The following SPARCL1 variants were observed in gnomAD, a reference collection of about 807,000 sequenced individuals.
SPARCL1 encodes SPARC like 1, also known as SPARC-like protein 1.
Under a neutral mutation model 67.1 loss-of-function variants are expected in SPARCL1, and 52 were observed. The ratio of observed to expected loss-of-function variants is 0.78; its 90% CI spans 0.62 to 0.98. The LOEUF (loss-of-function observed/expected upper bound fraction) is 0.98. Among genes scored for constraint, SPARCL1 ranks in the 50% least tolerant of loss-of-function variants. The pLI, the probability that SPARCL1 is intolerant of heterozygous loss-of-function variation, is 0.00. For synonymous variants in SPARCL1, 226 were observed against 267.8 expected, an observed-to-expected ratio of 0.84 and a Z score of 1.52; for missense variants, 717 against 782.4, an observed-to-expected ratio of 0.92 and a Z score of 1.00.
intron 1 of SPARCL1, among the ~76,000 whole-genome samples, chr4:87,509,044 T>C (rs573314414): frequency 8.1e-5 from 12 of 148,378 alleles, no homozygotes; most frequent in Non-Finnish European, 1.3e-4. Context: ...ATGTATTATA[T>C]ACACGTATCT....
chr4:87,503,921 C>T (rs960998437), intron 1 of SPARCL1, among the ~76,000 whole-genome samples: 3 of 151,894 alleles, frequency 2.0e-5, no homozygotes, highest in Non-Finnish European at 4.4e-5. Context: ...CTCAACTGGT[C>T]CACCTGCCTC....
chr4:87,479,451 G>C lies in SPARCL1; in HGVS notation c.1945C>G (p.His649Asp). The C allele has an allele frequency of 6.2e-7, 1 of 1,613,588 alleles. No homozygotes were observed. Among genetic ancestry groups the C allele is most frequent in the East Asian group, 2.2e-5 (1 of 44,876 alleles). Residue 649 changes from histidine to aspartate, a missense_variant, in exon 10 of 11, where the codon CAC becomes GAC. By Grantham distance (81) the His-to-Asp change is moderately conservative (BLOSUM62 -1). Coordinates refer to ENST00000282470, the MANE Select transcript of SPARCL1 (RefSeq NM_004684.6). ...TTACCTTCTTTAATTCCAAAGCAGT[G>C]GCCCCACTCCTTCAGGGTGATGTGC... ...DKHITLKEWG[H>D]CFGIKEEDID...
intron 6 of SPARCL1, 116 bp from the exon 7 acceptor site, chr4:87,490,509 G>T: frequency 8.3e-7 from 1 of 1,209,358 alleles, no homozygotes; most frequent in Non-Finnish European, 1.1e-6. Flanking sequence ...TGGTCAGGTA[G>T]GTGAGACTAT....
At chr4:87,474,888 G>A (rs1052610161) in intron 10 of SPARCL1, among the ~76,000 whole-genome samples, 6 of 151,796 alleles carry the variant, frequency 4.0e-5, no homozygotes, top group South Asian at 4.2e-4. Flanking sequence ...GACTACAGGC[G>A]CCCGCCACCA....
rs71667858 is a variant in SPARCL1 at position 87,511,967 on chromosome 4, C to CTCTTTTTTTTTT, written c.-11-12383_-11-12382insAAAAAAAAAAGA. 4.1e-4 allele frequency among the ~76,000 whole-genome samples: 50 copies of CTCTTTTTTTTTT among 121,558 alleles called. 3 individuals are homozygous for CTCTTTTTTTTTT. Among genetic ancestry groups the CTCTTTTTTTTTT allele is most frequent in the African/African-American group, 1.5e-3 (47 of 31,394 alleles). 79.7% of individuals were successfully genotyped at this position (121,558 alleles called of 152,430 possible). A position where few individuals can be genotyped will look rare whatever the true frequency, so the allele number is the denominator to read the frequency against. Reference sequence around the variant, plus strand: ...TTCCTTTCCTTTCCTCTTTCTTTCTCTTTTTTTTTTTTTTTGAGACAGAGT... The same window carrying CTCTTTTTTTTTT: ...TTCCTTTCCTTTCCTCTTTCTTTCTCTCTTTTTTTTTTTTTTTTTTTTTTTTTGAGACAGAGT... On this transcript the variant is annotated intron_variant, in intron 1 of 10. Coordinates refer to ENST00000282470, the MANE Select transcript of SPARCL1 (RefSeq NM_004684.6).
intron 7 of SPARCL1, among the ~76,000 whole-genome samples, chr4:87,486,795 A>G (rs572998565): frequency 7.0e-6 from 1 of 142,206 alleles, no homozygotes; most frequent in African/African-American, 2.6e-5. Flanking sequence ...TGTTGCATTT[A>G]TCTCTTTACC....
In SPARCL1 at chr4:87,493,687, G is replaced by C; in HGVS notation, c.1113C>G (p.Ala371=). Residue 371 remains alanine, a synonymous_variant, in exon 4 of 11, where the codon GCC becomes GCG. Coordinates refer to ENST00000282470, the MANE Select transcript of SPARCL1 (RefSeq NM_004684.6). ...YFIPSQAFLE[A]ERAQSIAYHL... is the part of the protein sequence containing the mutation. Reference sequence around the variant, plus strand: ...GATAGGCAATGGATTGAGCTCTCTCGGCCTCCAGAAAGGCCTGGCTTGGGA... The same window carrying C: ...GATAGGCAATGGATTGAGCTCTCTCCGCCTCCAGAAAGGCCTGGCTTGGGA... 6.2e-7 allele frequency: 1 copy of C among 1,613,898 alleles called. No individual in the cohort carries two copies. Among genetic ancestry groups the C allele is most frequent in the Non-Finnish European group, 8.5e-7 (1 of 1,179,978 alleles).
intron 1 of SPARCL1, among the ~76,000 whole-genome samples, chr4:87,510,146 A>T (rs1197296210): frequency 6.6e-6 from 1 of 152,180 alleles, no homozygotes. Flanking sequence ...TTATTTTACT[A>T]TTATCTACTC....
At chr4:87,476,267 C>G (rs1723579048) in intron 10 of SPARCL1, among the ~76,000 whole-genome samples, 1 of 152,204 alleles carries the variant, frequency 6.6e-6, no homozygotes, top group Non-Finnish European at 1.5e-5. Context: ...CTGCTCTCGG[C>G]TCCCACATAT....
At chr4:87,488,022 C>T (rs1724145419) in intron 7 of SPARCL1, among the ~76,000 whole-genome samples, 1 of 152,114 alleles carries the variant, frequency 6.6e-6, no homozygotes, top group Admixed American at 6.5e-5. Flanking sequence ...TCTTAGCTTC[C>T]TTGTATTGGG....
At chr4:87,486,888 C>CTTTTT (rs57597004) in intron 7 of SPARCL1, among the ~76,000 whole-genome samples, 10 of 27,990 alleles carry the variant, frequency 3.6e-4, no homozygotes, top group African/African-American at 6.6e-4. Context: ...GCAATTCCTG[C>CTTTTT]TTTTTTTTTT....
rs1724502899 is a variant in SPARCL1, at chr4:87,494,174, C to T, written c.626G>A (p.Gly209Asp). The change falls in exon 4 of 11, where the codon GGT becomes GAT. Residue 209 changes from glycine to aspartate, a missense_variant. By Grantham distance (94) the Gly-to-Asp change is moderately conservative. Coordinates refer to ENST00000282470, the MANE Select transcript of SPARCL1 (RefSeq NM_004684.6). Reference sequence around the variant, plus strand: ...GTTATCATTGTGGGTACCAACTTCACCTGGCTCTTTTTCTTCTTCCTCTTC... The same window carrying T: ...GTTATCATTGTGGGTACCAACTTCATCTGGCTCTTTTTCTTCTTCCTCTTC... ...NGEEEEEKEP[G>D]EVGTHNDNQE... The T allele has an allele frequency of 6.2e-7, 1 of 1,613,926 alleles. No individual in the cohort carries two copies. Among genetic ancestry groups the T allele is most frequent in the South Asian group, 1.1e-5 (1 of 91,066 alleles).
intron 1 of SPARCL1, among the ~76,000 whole-genome samples, chr4:87,506,662 G>C (rs1030375018): frequency 2.0e-5 from 3 of 152,166 alleles, no homozygotes; most frequent in Non-Finnish European, 2.9e-5. Context: ...CAGGTCTTCA[G>C]ACTTGAACGG....
At chr4:87,508,697 G>A (rs1184536350) in intron 1 of SPARCL1, among the ~76,000 whole-genome samples, 6 of 151,410 alleles carry the variant, frequency 4.0e-5, no homozygotes, top group Non-Finnish European at 5.9e-5. Flanking sequence ...TCTGAGGTCC[G>A]CTTATGAGGC....
At chr4:87,489,093 G>A (rs553617840) in intron 7 of SPARCL1, among the ~76,000 whole-genome samples, 7 of 152,282 alleles carry the variant, frequency 4.6e-5, no homozygotes, top group African/African-American at 1.7e-4. Context: ...TTCCAGGGAA[G>A]TGAACAGTTC....
chr4:87,476,771 C>G (rs1171843306), intron 10 of SPARCL1, among the ~76,000 whole-genome samples: 1 of 152,156 alleles, frequency 6.6e-6, no homozygotes, highest in Non-Finnish European at 1.5e-5. Context: ...TGCCCTAATT[C>G]ACACAGCTAG....
At chr4:87,476,331 A>G (rs1723581834) in intron 10 of SPARCL1, among the ~76,000 whole-genome samples, 1 of 152,152 alleles carries the variant, frequency 6.6e-6, no homozygotes, top group African/African-American at 2.4e-5. Context: ...GTATGCTTAT[A>G]TCTTAAAATA....
At chr4:87,516,812 C>T (rs928266433) in intron 1 of SPARCL1, among the ~76,000 whole-genome samples, 10 of 152,140 alleles carry the variant, frequency 6.6e-5, no homozygotes, top group Admixed American at 5.9e-4. Context: ...TAGAGGATCC[C>T]CCAGGCTTAT....
chr4:87,518,548 C>T (rs1725676050), intron 1 of SPARCL1, among the ~76,000 whole-genome samples: 1 of 152,200 alleles, frequency 6.6e-6, no homozygotes, highest in East Asian at 1.9e-4. Flanking sequence ...GATGCTGATA[C>T]TTCTCTTCCC....
Sources: gnomAD v4.1 joint callset for allele counts (sites outside exome capture counted in the v4.1 genomes callset) on GRCh38, gnomAD v4.1.1 for gene constraint, MANE v1.5 for transcripts, NCBI Gene and HGNC (gene_info 2026-07-23, HGNC 2026-07-21) for gene names.